RASD2: variants seen among roughly 807,000 people sequenced by gnomAD.
The protein encoded by RASD2 is RASD family member 2.
Under a neutral mutation model 15.8 loss-of-function variants are expected in RASD2, and 7 were observed. The observed-to-expected ratio is 0.44, with a 90% CI of 0.25 to 0.83. The LOEUF (loss-of-function observed/expected upper bound fraction) is 0.83, where lower values mean the gene tolerates loss of function less well. RASD2 is among the 40% of genes least tolerant of loss of function. The probability of loss-of-function intolerance (pLI) is 0.20; values close to 1 mark genes in which losing one functional copy is unlikely to be tolerated. For missense variants in RASD2, 274 were observed against 382.8 expected, an observed-to-expected ratio of 0.72 and a Z score of 2.37; for synonymous variants, 155 against 153.6, an observed-to-expected ratio of 1.01 and a Z score of -0.07.
intron 2 of RASD2, among the ~76,000 whole-genome samples, chr22:35,547,567 T>C (rs1934539858): frequency 6.6e-6 from 1 of 152,236 alleles, no homozygotes; most frequent in Admixed American, 6.5e-5. Flanking sequence ...GTGATGGCAC[T>C]AGCTGACACT....
chr22:35,545,148 A>G (rs1009773805), intron 1 of RASD2, among the ~76,000 whole-genome samples: 2 of 152,188 alleles, frequency 1.3e-5, no homozygotes, highest in East Asian at 3.9e-4. Flanking sequence ...TAGGGCTTTT[A>G]ACAAAGGTAT....
intron 1 of RASD2, among the ~76,000 whole-genome samples, chr22:35,542,212 T>C (rs890821837): frequency 2.6e-5 from 4 of 152,096 alleles, no homozygotes; most frequent in African/African-American, 9.7e-5. Flanking sequence ...AAGCCTCCTG[T>C]GGTGTCAGAG....
chr22:35,536,847 C>A (rs13058193), upstream of RASD2, among the ~76,000 whole-genome samples: 34 of 152,230 alleles, frequency 2.2e-4, no homozygotes, highest in African/African-American at 7.0e-4. Flanking sequence ...GATGCTGATG[C>A]TGCTGGTCCA....
chr22:35,549,263 T>C (rs887154577), intron 2 of RASD2, among the ~76,000 whole-genome samples: 8 of 152,206 alleles, frequency 5.3e-5, no homozygotes, highest in African/African-American at 1.9e-4. Context: ...AGAGTATTTT[T>C]GTCTGTCTCT....
At position 35,553,945 on chromosome 22, in the gene RASD2, C is replaced by T. The variant is rs184797389; in HGVS notation, c.*1913C>T. The T allele has an allele frequency of 3.8e-3, 588 of 152,892 alleles. 5 individuals carry two copies. The Middle Eastern group carries it at 0.044, about 11-fold the overall frequency. 9.5% of individuals were successfully genotyped at this position (152,892 alleles called of 1,614,324 possible). A position where few individuals can be genotyped will look rare whatever the true frequency, so the allele number is the denominator to read the frequency against. On this transcript the variant is annotated 3_prime_UTR_variant, in exon 3 of 3. Transcript: ENST00000216127. ...GTGGCCCGCTCTCACCCAGGCACAG[C>T]CCCGCCACCATGGATCTCCGTGTAC... is the stretch of plus-strand genomic sequence containing the variant.
chr22:35,546,946 A>G lies in RASD2; in HGVS notation c.137A>G (p.Asp46Gly). The change falls in exon 2 of 3, where the codon GAC (aspartate) becomes GGC (glycine). Residue 46 changes from aspartate to glycine, a missense_variant. Asp to Gly is a moderately conservative substitution (Grantham distance 94). Transcript: ENST00000216127. ...CGCTTCCTCAATGGCCGCTTTGAGGACCAGTACACACCCACCATCGAGGAC... is the reference window on the plus strand; with the variant it reads ...CGCTTCCTCAATGGCCGCTTTGAGGGCCAGTACACACCCACCATCGAGGAC... ...VSRFLNGRFE[D>G]QYTPTIEDFH... 6.2e-7 allele frequency: 1 copy of G among 1,613,926 alleles called. No individual in the cohort carries two copies. Among genetic ancestry groups the G allele is most frequent in the Non-Finnish European group, 8.5e-7 (1 of 1,179,944 alleles).
At chr22:35,537,034 C>A (rs1312529768), upstream of RASD2, among the ~76,000 whole-genome samples, 1 of 152,120 alleles carries the variant, frequency 6.6e-6, no homozygotes, top group African/African-American at 2.4e-5. Context: ...GATTCTAATG[C>A]GCCGCCAGCA....
chr22:35,540,491 G>T (rs937678088), upstream of RASD2, among the ~76,000 whole-genome samples: 2 of 150,436 alleles, frequency 1.3e-5, no homozygotes, highest in Admixed American at 6.6e-5. Flanking sequence ...GGCTCTGGGG[G>T]GCAGACGCTG....
chr22:35,536,326 C>CTTT (rs559627212), upstream of RASD2, among the ~76,000 whole-genome samples: 7 of 140,238 alleles, frequency 5.0e-5, no homozygotes, highest in African/African-American at 1.3e-4. Context: ...CAAACCGTCT[C>CTTT]TTTTTTTTTT....
intron 2 of RASD2, among the ~76,000 whole-genome samples, chr22:35,548,176 G>T (rs990771449): frequency 5.9e-5 from 9 of 152,180 alleles, no homozygotes; most frequent in African/African-American, 2.2e-4. Context: ...CATTAGCATG[G>T]TAGCTAAGAG....
At chr22:35,545,333 G>C (rs1202996137) in intron 1 of RASD2, among the ~76,000 whole-genome samples, 6 of 152,188 alleles carry the variant, frequency 3.9e-5, no homozygotes, top group Admixed American at 3.9e-4. Context: ...GTCAATGGGC[G>C]AGGCACTCAA....
At chr22:35,537,130 T>C (rs555459530), upstream of RASD2, among the ~76,000 whole-genome samples, 2 of 152,320 alleles carry the variant, frequency 1.3e-5, no homozygotes, top group East Asian at 1.9e-4. Flanking sequence ...GCTCAGCCTC[T>C]CATTAGCTGC....
intron 2 of RASD2, among the ~76,000 whole-genome samples, chr22:35,548,598 CGCCTTGAG>C (rs1360378589): frequency 6.6e-6 from 1 of 152,216 alleles, no homozygotes; most frequent in African/African-American, 2.4e-5. Context: ...GCCCTGCTGC[CGCCTTGAG>C]GCCAAGACTG....
At chr22:35,549,486 C>A (rs1395344031) in intron 2 of RASD2, among the ~76,000 whole-genome samples, 1 of 152,198 alleles carries the variant, frequency 6.6e-6, no homozygotes, top group Non-Finnish European at 1.5e-5. Flanking sequence ...ATCGCAGTCT[C>A]GCATTTGAAT....
rs748882067 is a variant in RASD2 at position 35,551,918 on chromosome 22, C to T, written c.687C>T (p.Gly229=). Residue 229 remains glycine, a synonymous_variant, in exon 3 of 3, where the codon GGC becomes GGT. Transcript: ENST00000216127. This position sits in a 1 kb window ranked among gnomAD's most constrained non-coding sequence, Gnocchi z 4.9. ...GCGTCAAGGAGATGGACGCCTATGGCATGGTCTCGCCCTTCGCCCGCCGCC... is the reference window on the plus strand; with the variant it reads ...GCGTCAAGGAGATGGACGCCTATGGTATGGTCTCGCCCTTCGCCCGCCGCC... ...MRRVKEMDAY[G]MVSPFARRPS... The T allele has an allele frequency of 1.9e-6, 3 of 1,611,216 alleles. No homozygotes were observed. Among genetic ancestry groups the T allele is most frequent in the Admixed American group, 3.3e-5 (2 of 60,004 alleles).
intron 2 of RASD2, among the ~76,000 whole-genome samples, chr22:35,548,217 A>C (rs1291497988): frequency 6.6e-6 from 1 of 152,166 alleles, no homozygotes; most frequent in Non-Finnish European, 1.5e-5. Flanking sequence ...CCTGGGTGTG[A>C]GCCCTGGTTC....
upstream of RASD2, among the ~76,000 whole-genome samples, chr22:35,540,372 GGC>G (rs1276510488): frequency 2.7e-5 from 4 of 149,834 alleles, no homozygotes; most frequent in African/African-American, 9.7e-5. Flanking sequence ...CGCAGACCGC[GGC>G]GCCCCGGAGG....
chr22:35,547,446 G>C (rs115286747), intron 2 of RASD2, among the ~76,000 whole-genome samples: 1 of 152,182 alleles, frequency 6.6e-6, no homozygotes, highest in Non-Finnish European at 1.5e-5. Flanking sequence ...GTCAGTCCAC[G>C]GGGCTCAGGT....
chr22:35,543,904 ACTG>A (rs1934422201), intron 1 of RASD2, among the ~76,000 whole-genome samples: 1 of 119,814 alleles, frequency 8.3e-6, no homozygotes, highest in African/African-American at 3.2e-5. Flanking sequence ...TCTCTGTCTC[ACTG>A]CCTCCTCTCT....
Sources: allele counts gnomAD v4.1 joint callset (sites outside exome capture counted in the v4.1 genomes callset), GRCh38; gene constraint gnomAD v4.1.1; non-coding constraint Gnocchi (gnomAD v3.1); transcripts MANE v1.5; gene names NCBI Gene and HGNC (gene_info 2026-07-23, HGNC 2026-07-21).